Variants in HLTF observed in about 807,000 individuals in gnomAD.
The protein encoded by HLTF is DNA-dependent ATPase/E3 ubiquitin-protein ligase HLTF.
Under a neutral mutation model 129.4 loss-of-function variants are expected in HLTF, and 127 were observed. The ratio of observed to expected loss-of-function variants is 0.98; its 90% confidence interval spans 0.85 to 1.14. The LOEUF (loss-of-function observed/expected upper bound fraction) is 1.14, where lower values mean the gene tolerates loss of function less well. Ranked by LOEUF, HLTF falls within the 50% of genes most tolerant of loss-of-function variation. The pLI is 0.00. For missense variants in HLTF, 1,139 were observed against 1,187.1 expected, an observed-to-expected ratio of 0.96 and a Z score of 0.60; for synonymous variants, 332 against 388.8, an observed-to-expected ratio of 0.85 and a Z score of 1.72.
Position 149,040,168 on chromosome 3 carries a change from A to C in HLTF, c.2377-12T>G, listed in dbSNP as rs1559856174. ...CATTTAGCATGTGGCTATATAAGAA[A>C]GAACGAAGTATGAGCAACACTTAAC... On this transcript the variant is annotated splice_polypyrimidine_tract_variant and intron_variant, in intron 20 of 24. Coordinates refer to ENST00000310053, the MANE Select transcript of HLTF (RefSeq NM_003071.4). The C allele has an allele frequency of 1.9e-6, 3 of 1,601,162 alleles. No homozygotes were observed. The highest frequency in any genetic ancestry group is 1.7e-6 in the Non-Finnish European group (2 of 1,176,446).
chr3:149,042,277 C>A lies in HLTF; in HGVS notation c.2086G>T (p.Gly696Trp), dbSNP rs968346014. The change falls in exon 19 of 25, where the codon GGG (glycine) becomes TGG (tryptophan). Residue 696 changes from glycine to tryptophan, a missense_variant. By Grantham distance (184) the Gly-to-Trp change is radical (BLOSUM62 -2). Coordinates refer to ENST00000310053, the MANE Select transcript of HLTF (RefSeq NM_003071.4). ...TCTGCATAATGTGCCAGGACAGTCCCTTCATTAAAATACCTAGAGATTAAA... is the reference window on the plus strand; with the variant it reads ...TCTGCATAATGTGCCAGGACAGTCCATTCATTAAAATACCTAGAGATTAAA... The part of the protein sequence containing the change: ...RATIGRYFNE[G>W]TVLAHYADVL... 3 of 1,610,016 alleles carry A rather than the reference C, an allele frequency of 1.9e-6. No homozygotes were observed. Among genetic ancestry groups the A allele is most frequent in the African/African-American group, 2.7e-5 (2 of 74,788 alleles).
chr3:149,042,096 A>G, intron 19 of HLTF, 70 bp downstream of exon 19: 25 of 1,433,650 alleles, frequency 1.7e-5, no homozygotes, highest in Non-Finnish European at 2.4e-5. Context: ...TGCCACATAA[A>G]AAAAATTTAT....
chr3:149,041,453 T>C, intron 20 of HLTF, 37 bp downstream of exon 20: 1 of 1,464,704 alleles, frequency 6.8e-7, no homozygotes, highest in South Asian at 1.3e-5. Context: ...TACACTACTC[T>C]ATCAAACACT....
intron 7 of HLTF, among the ~76,000 whole-genome samples, chr3:149,070,780 C>T (rs1718782362): frequency 6.6e-6 from 1 of 152,150 alleles, no homozygotes; most frequent in South Asian, 2.1e-4. Context: ...CAGGGTGGCT[C>T]ACATCTGTAA....
At chr3:149,073,647 A>T (rs184173809) in intron 4 of HLTF, among the ~76,000 whole-genome samples, 211 of 152,316 alleles carry the variant, frequency 1.4e-3, no homozygotes, top group African/African-American at 4.8e-3. Flanking sequence ...TCAGCCACTG[A>T]TCGTGGCCAC....
At chr3:149,036,151 CA>C (rs1359497950) in intron 23 of HLTF, among the ~76,000 whole-genome samples, 1 of 150,970 alleles carries the variant, frequency 6.6e-6, no homozygotes, top group African/African-American at 2.4e-5. Flanking sequence ...AAACAAAAAA[CA>C]AAAAACACAA....
intron 24 of HLTF, among the ~76,000 whole-genome samples, chr3:149,033,777 A>G (rs1715339265): frequency 6.6e-6 from 1 of 152,118 alleles, no homozygotes; most frequent in Admixed American, 6.6e-5. Context: ...AAAGAACCAG[A>G]AGTAAATACA....
intron 17 of HLTF, 131 bp downstream of exon 17, chr3:149,047,897 G>T: frequency 1.6e-6 from 1 of 617,150 alleles, no homozygotes; most frequent in Non-Finnish European, 2.6e-6. Context: ...AAAGACAAAG[G>T]TACTGAGCCA....
intron 3 of HLTF, among the ~76,000 whole-genome samples, chr3:149,075,430 C>T (rs2108055785): frequency 6.6e-6 from 1 of 152,246 alleles, no homozygotes; most frequent in South Asian, 2.1e-4. Context: ...GCACCTGTAG[C>T]TACTCAGGAG....
At chr3:149,064,516 AG>A (rs1718193746) in intron 9 of HLTF, among the ~76,000 whole-genome samples, 1 of 152,180 alleles carries the variant, frequency 6.6e-6, no homozygotes, top group African/African-American at 2.4e-5. Flanking sequence ...CTCTTTTTAA[AG>A]TACCCTTTCA....
At chr3:149,072,987 C>T (rs1185503297) in intron 5 of HLTF, among the ~76,000 whole-genome samples, 4 of 152,046 alleles carry the variant, frequency 2.6e-5, no homozygotes, top group Admixed American at 1.3e-4. Flanking sequence ...TAAACAGGAA[C>T]GTGTGTGTTT....
Position 149,041,534 on chromosome 3 carries a change from C to T in HLTF, c.2332G>A (p.Val778Ile), listed in dbSNP as rs761727214. 3.1e-6 allele frequency: 5 copies of T among 1,613,400 alleles called. No homozygotes were observed. The East Asian group carries it at 1.1e-4, about 36-fold the overall frequency. ...TVPVITHCAH[V>I]FCKPCICQVI... Reference sequence around the variant, plus strand: ...TGGCAAATACAGGGTTTACAAAATACATGTGCACAATGTGTTATCACAGGA... The same window carrying T: ...TGGCAAATACAGGGTTTACAAAATATATGTGCACAATGTGTTATCACAGGA... The change falls in exon 20 of 25, where the codon GTA becomes ATA. Residue 778 changes from valine (V) to isoleucine (I), a missense_variant. Coordinates refer to ENST00000310053, the MANE Select transcript of HLTF (RefSeq NM_003071.4).
intron 5 of HLTF, among the ~76,000 whole-genome samples, chr3:149,072,751 TA>T (rs1359783748): frequency 8.5e-5 from 13 of 152,246 alleles, no homozygotes; most frequent in Non-Finnish European, 1.9e-4. Flanking sequence ...GTTTTAATGT[TA>T]TTTTTAAATT....
intron 13 of HLTF, among the ~76,000 whole-genome samples, chr3:149,057,860 A>G (rs969675499): frequency 1.3e-5 from 2 of 152,220 alleles, no homozygotes; most frequent in African/African-American, 4.8e-5. Flanking sequence ...TATTTCTAAT[A>G]TTCCATTAAA....
chr3:149,060,956 A>T, intron 10 of HLTF, 98 bp from the exon 11 acceptor site: 1 of 826,678 alleles, frequency 1.2e-6, no homozygotes. Flanking sequence ...CTTTTGTCCT[A>T]CTCATTTATT....
intron 23 of HLTF, among the ~76,000 whole-genome samples, chr3:149,037,667 C>T (rs190080140): frequency 3.1e-4 from 47 of 152,216 alleles, no homozygotes; most frequent in Admixed American, 3.0e-3. Flanking sequence ...AAATTTATAT[C>T]TCAGTAGTAT....
chr3:149,037,382 C>T (rs551123725), intron 23 of HLTF, among the ~76,000 whole-genome samples: 36 of 150,822 alleles, frequency 2.4e-4, no homozygotes, highest in African/African-American at 8.3e-4. Flanking sequence ...GGCAGTGAAC[C>T]GCTTGAACCC....
At chr3:149,063,691 CT>C (rs1322336360) in intron 9 of HLTF, among the ~76,000 whole-genome samples, 167 bp from the exon 10 acceptor site, 2 of 151,534 alleles carry the variant, frequency 1.3e-5, no homozygotes, top group Non-Finnish European at 2.9e-5. Flanking sequence ...CTAGTATTTC[CT>C]CATTTCTAAT....
intron 20 of HLTF, among the ~76,000 whole-genome samples, chr3:149,041,083 A>G (rs1716095488): frequency 6.6e-6 from 1 of 152,150 alleles, no homozygotes; most frequent in African/African-American, 2.4e-5. Flanking sequence ...ATACACCACC[A>G]CCAAATTCTG....
Sources: allele counts gnomAD v4.1 joint callset (sites outside exome capture counted in the v4.1 genomes callset), GRCh38; gene constraint gnomAD v4.1.1; transcripts MANE v1.5; gene names NCBI Gene and HGNC (gene_info 2026-07-23, HGNC 2026-07-21).